Variants in SNRNP200 observed in about 807,000 individuals in gnomAD.
The protein encoded by SNRNP200 is small nuclear ribonucleoprotein U5 subunit 200, also known as U5 small nuclear ribonucleoprotein 200 kDa helicase.
A neutral mutation model predicts 255.2 loss-of-function variants in SNRNP200; 66 were observed. The observed-to-expected ratio is 0.26, with a 90% CI of 0.21 to 0.32. The LOEUF (loss-of-function observed/expected upper bound fraction) is 0.32. Ranked by LOEUF, SNRNP200 falls within the 10% of genes least tolerant of loss-of-function variation. SNRNP200 has a pLI of 1.00. For synonymous variants in SNRNP200, 939 were observed against 1,027.8 expected, an observed-to-expected ratio of 0.91 and a Z score of 1.65; for missense variants, 1,585 against 2,749.8, an observed-to-expected ratio of 0.58 and a Z score of 9.47.
Position 96,277,387 on chromosome 2 carries a change from C to A in SNRNP200, c.5932-146G>T. On this transcript the variant is annotated intron_variant, in intron 41 of 44. Transcript: ENST00000323853. This position sits in a 1 kb window ranked among gnomAD's most constrained non-coding sequence, Gnocchi z 4.4. ...CAGAAAGAACACAGCCCACAGTTGG[C>A]AGGCTCTCTAGCATCTCAACAGGGA... is the stretch of plus-strand genomic sequence containing the variant. The A allele has an allele frequency of 7.9e-7, 1 of 1,264,832 alleles. No individual in the cohort carries two copies. Among genetic ancestry groups the A allele is most frequent in the South Asian group, 1.2e-5 (1 of 82,296 alleles). The allele number at this position is 1,264,832 out of a possible 1,614,324, so 78.4% of individuals were successfully genotyped here.
In SNRNP200 at chr2:96,290,527, C is replaced by A. The variant is rs1339505955; in HGVS notation, c.2554-13G>T. On this transcript the variant is annotated splice_polypyrimidine_tract_variant and intron_variant, in intron 19 of 44. Coordinates refer to ENST00000323853, the MANE Select transcript of SNRNP200 (RefSeq NM_014014.5). This position sits in a 1 kb window ranked among gnomAD's most constrained non-coding sequence, Gnocchi z 4.5. ...CACGTCCCAGCATCTAGATCAGAGACAGCGAACCAAGAATGCTATGTCAAG... is the reference window on the plus strand; with the variant it reads ...CACGTCCCAGCATCTAGATCAGAGAAAGCGAACCAAGAATGCTATGTCAAG... 6.2e-7 allele frequency: 1 copy of A among 1,614,168 alleles called. No homozygotes were observed. Among genetic ancestry groups the A allele is most frequent in the South Asian group, 1.1e-5 (1 of 91,078 alleles).
intron 23 of SNRNP200, 65 bp from the exon 24 acceptor site, chr2:96,288,811 A>C: frequency 4.3e-6 from 6 of 1,388,612 alleles, no homozygotes; most frequent in Non-Finnish European, 6.2e-6. Context: ...AGGGAATTAC[A>C]TTTCTGCTCT....
At position 96,305,494 on chromosome 2, in the gene SNRNP200, C is replaced by A. The variant is rs936545153; in HGVS notation, c.-57G>T. 4.5e-5 allele frequency: 73 copies of A among 1,610,362 alleles called. No individual in the cohort carries two copies. The African/African-American group carries it at 8.1e-4, about 18-fold the overall frequency. On this transcript the variant is annotated 5_prime_UTR_variant, in exon 1 of 45. Coordinates refer to ENST00000323853, the MANE Select transcript of SNRNP200 (RefSeq NM_014014.5). ...ACGCCTCCCTACCGCAAGCTGCAAA[C>A]GGCCGCAGATCTCTGCTCCCGCCGC...
chr2:96,286,337 G>T lies in SNRNP200; in HGVS notation c.3977C>A (p.Pro1326His). ...AFESLYQDKF[P>H]FFNPIQTQVF... The stretch of plus-strand genomic sequence containing the variant: ...CTGGGTCTGGATGGGATTGAAGAAA[G>T]GAAATTTATCTTGGTAAAGACTCTC... Residue 1326 changes from proline (P) to histidine (H), a missense_variant, in exon 29 of 45, where the codon CCT becomes CAT. Physicochemically the swap from Pro to His is moderately conservative, Grantham distance 77. Coordinates refer to ENST00000323853, the MANE Select transcript of SNRNP200 (RefSeq NM_014014.5). The surrounding 1 kb of genome is among the most constrained non-coding windows in gnomAD (Gnocchi z 4.8). 1 of 1,614,150 alleles carries T rather than the reference G, an allele frequency of 6.2e-7. No individual in the cohort carries two copies. The highest frequency in any genetic ancestry group is 1.1e-5 in the South Asian group (1 of 91,064).
Position 96,274,950 on chromosome 2 carries a change from C to A in SNRNP200, c.*62G>T, listed in dbSNP as rs1395616325. On this transcript the variant is annotated 3_prime_UTR_variant, in exon 45 of 45. Transcript: ENST00000323853. ...CTGGTCCCCACAACCAGGATTCCTA[C>A]AATGTACACATTCCTAATTCAGGCT... is the stretch of plus-strand genomic sequence containing the variant. The A allele has an allele frequency of 1.3e-6, 2 of 1,598,218 alleles. No homozygotes were observed. Among genetic ancestry groups the A allele is most frequent in the African/African-American group, 1.3e-5 (1 of 74,584 alleles).
Position 96,291,606 on chromosome 2 carries a change from G to C in SNRNP200, c.2311-104C>G. 2 of 1,229,548 alleles carry C rather than the reference G, an allele frequency of 1.6e-6. No individual in the cohort carries two copies. The highest frequency in any genetic ancestry group is 2.4e-6 in the Non-Finnish European group (2 of 834,250). 76.2% of individuals were successfully genotyped at this position (1,229,548 alleles called of 1,614,324 possible). On this transcript the variant is annotated intron_variant, in intron 17 of 44. Transcript: ENST00000323853. This position sits in a 1 kb window ranked among gnomAD's most constrained non-coding sequence, Gnocchi z 4.2. ...GACCCTGCCCCTTAACTATTATGTG[G>C]AATAGTAATAATCACATCCAGACAA...
chr2:96,278,544 C>T lies in SNRNP200; in HGVS notation c.5488+3G>A. ...ACAGGACACGGGCCATGCCGGGCCT[C>T]ACCAATGGTGGTGTAGTTGATGTAA... On this transcript the variant is annotated splice_donor_region_variant and intron_variant, in intron 38 of 44. Transcript: ENST00000323853. The surrounding 1 kb of genome is among the most constrained non-coding windows in gnomAD (Gnocchi z 6.9). 2 of 1,613,984 alleles carry T rather than the reference C, an allele frequency of 1.2e-6. No individual in the cohort carries two copies. Among genetic ancestry groups the T allele is most frequent in the Non-Finnish European group, 1.7e-6 (2 of 1,180,038 alleles).
chr2:96,274,731 T>G lies in SNRNP200; in HGVS notation c.*281A>C. The G allele has an allele frequency of 2.1e-6, 1 of 480,480 alleles. No individual in the cohort carries two copies. Among genetic ancestry groups the G allele is most frequent in the South Asian group, 2.2e-5 (1 of 46,490 alleles). The allele number at this position is 480,480 out of a possible 1,614,324, so 29.8% of individuals were successfully genotyped here. ...AATTTGGAATCACTACAAAGACAAA[T>G]GGTTTCTACAAATTATTTTATTAGA... On this transcript the variant is annotated 3_prime_UTR_variant, in exon 45 of 45. Coordinates refer to ENST00000323853, the MANE Select transcript of SNRNP200 (RefSeq NM_014014.5).
At position 96,303,317 on chromosome 2, in the gene SNRNP200, C is replaced by A. The variant is rs1189846561; in HGVS notation, c.223G>T (p.Asp75Tyr). 1 of 1,614,088 alleles carries A rather than the reference C, an allele frequency of 6.2e-7. No homozygotes were observed. Among genetic ancestry groups the A allele is most frequent in the African/African-American group, 1.3e-5 (1 of 74,924 alleles). ...EERRAKRRKR[D>Y]EDRHDINKMK... ...TTGTTGATGTCATGCCGGTCCTCAT[C>A]ACGCTTTCTTCGCCTAATGGACATG... The change falls in exon 3 of 45, where the codon GAT becomes TAT. Residue 75 changes from aspartate (D) to tyrosine (Y), a missense_variant. Around this residue, in one of 9 missense-constraint regions of SNRNP200, gnomAD observed 383 missense variants for 645.3 expected, o/e 0.59. Coordinates refer to ENST00000323853, the MANE Select transcript of SNRNP200 (RefSeq NM_014014.5).
Position 96,285,315 on chromosome 2 carries a change from G to A in SNRNP200, c.4029C>T (p.Asp1343=), listed in dbSNP as rs145242546. ...TQVFNTVYNS[D]DNVFVGAPTG... ...TGGGGGCCCCCACAAACACGTTGTC[G>A]TCACTGTTGTATACAGTGTTAAACA... Residue 1343 remains aspartate (D), a synonymous_variant, in exon 30 of 45, where the codon GAC becomes GAT. Coordinates refer to ENST00000323853, the MANE Select transcript of SNRNP200 (RefSeq NM_014014.5). The A allele has an allele frequency of 1.6e-4, 251 of 1,614,130 alleles. No individual in the cohort carries two copies. The highest frequency in any genetic ancestry group is 3.2e-4 in the Admixed American group (19 of 60,030).
chr2:96,284,616 A>G, intron 30 of SNRNP200, 31 bp from the exon 31 acceptor site: 1 of 1,445,832 alleles, frequency 6.9e-7, no homozygotes, highest in South Asian at 1.1e-5. Flanking sequence ...GCAGAACAAC[A>G]CTAGGCCATA....
At chr2:96,282,929 CAAAG>C in intron 34 of SNRNP200, 1 of 534,412 alleles carries the variant, frequency 1.9e-6, no homozygotes, top group Non-Finnish European at 3.4e-6. Flanking sequence ...GTCTGGTGGC[CAAAG>C]GTCCTGGACT....
chr2:96,289,708 G>T, intron 21 of SNRNP200, 91 bp downstream of exon 21: 1 of 1,106,340 alleles, frequency 9.0e-7, no homozygotes. Flanking sequence ...TAGATAGGCA[G>T]TACTCACATC....
At position 96,305,444 on chromosome 2, in the gene SNRNP200, G is replaced by A. The variant is rs765163178; in HGVS notation, c.-7C>T. 4 of 1,614,090 alleles carry A rather than the reference G, an allele frequency of 2.5e-6. No individual in the cohort carries two copies. The highest frequency in any genetic ancestry group is 1.7e-5 in the Admixed American group (1 of 60,034). On this transcript the variant is annotated 5_prime_UTR_variant, in exon 1 of 45. Transcript: ENST00000323853. ...GGGCGGTTACATCCGCCATGGCCGC[G>A]GCTGCTCGGAGGCTTCAGACCACCA...
Position 96,277,076 on chromosome 2 carries a change from C to G in SNRNP200, c.6092+5G>C, listed in dbSNP as rs1430890315. ...TGTGCCCAACAGGCACCACCTCTGG[C>G]TCACCTGCGGATGCTGTCCTTATCT... On this transcript the variant is annotated splice_donor_5th_base_variant and intron_variant, in intron 42 of 44. Transcript: ENST00000323853. The surrounding 1 kb of genome is among the most constrained non-coding windows in gnomAD (Gnocchi z 4.4). 2.5e-6 allele frequency: 4 copies of G among 1,614,110 alleles called. No individual in the cohort carries two copies. The Admixed American group carries it at 6.7e-5, about 27-fold the overall frequency.
chr2:96,281,699 C>CTG, intron 35 of SNRNP200, 115 bp downstream of exon 35: 1 of 860,402 alleles, frequency 1.2e-6, no homozygotes. Flanking sequence ...GGCATCTCAG[C>CTG]TGTTAACTTC....
Position 96,297,536 on chromosome 2 carries a change from C to T in SNRNP200, c.1204G>A (p.Ala402Thr), listed in dbSNP as rs942520828. 3.1e-6 allele frequency: 5 copies of T among 1,613,978 alleles called. No homozygotes were observed. Among genetic ancestry groups the T allele is most frequent in the Non-Finnish European group, 4.2e-6 (5 of 1,180,020 alleles). The change falls in exon 11 of 45, where the codon GCA becomes ACA. Residue 402 changes from alanine (A) to threonine (T), a missense_variant and splice_region_variant. Transcript: ENST00000323853. ...ETMDLDQGGE[A>T]LAPRQVLDLE... is the part of the protein sequence containing the mutation. ...TCCAGAACCTGCCGTGGAGCCAGTG[C>T]CTGGGAATGTGAAAGACAAAAACAC...
chr2:96,283,485 C>A lies in SNRNP200; in HGVS notation c.4763+50G>T. 6.2e-7 allele frequency: 1 copy of A among 1,613,396 alleles called. No homozygotes were observed. Among genetic ancestry groups the A allele is most frequent in the Non-Finnish European group, 8.5e-7 (1 of 1,179,542 alleles). Reference sequence around the variant, plus strand: ...ATAAAGAGGACACCCTTGGAGTAGGCCAGCCTCACTTAACCTAACCCCAAC... The same window carrying A: ...ATAAAGAGGACACCCTTGGAGTAGGACAGCCTCACTTAACCTAACCCCAAC... On this transcript the variant is annotated intron_variant, in intron 33 of 44. Transcript: ENST00000323853. The surrounding 1 kb of genome is among the most constrained non-coding windows in gnomAD (Gnocchi z 4.7).
intron 5 of SNRNP200, among the ~76,000 whole-genome samples, chr2:96,300,265 C>T (rs2063944132): frequency 6.6e-6 from 1 of 152,176 alleles, no homozygotes; most frequent in South Asian, 2.1e-4. Flanking sequence ...ACATTAACCC[C>T]AGTGACTTAA....
Sources: gnomAD v4.1 joint callset for allele counts (sites outside exome capture counted in the v4.1 genomes callset) on GRCh38, gnomAD v4.1.1 for gene constraint, gnomAD v4.1.1 regional missense constraint, Gnocchi (gnomAD v3.1) non-coding constraint, MANE v1.5 for transcripts, NCBI Gene and HGNC (gene_info 2026-07-23, HGNC 2026-07-21) for gene names.